The following LRRC4C variants were observed in gnomAD, a reference collection of about 807,000 sequenced individuals.
LRRC4C encodes leucine-rich repeat-containing protein 4C.
Under a neutral mutation model 33.6 loss-of-function variants are expected in LRRC4C, and 5 were observed. The ratio of observed to expected loss-of-function variants is 0.15; its 90% CI spans 0.08 to 0.31. LRRC4C has a LOEUF of 0.31. Ranked by LOEUF, LRRC4C falls within the 10% of genes least tolerant of loss-of-function variation. LRRC4C has a pLI of 1.00. For missense variants in LRRC4C, 560 were observed against 796.7 expected (o/e 0.70, Z 3.58); for synonymous variants, 329 against 302.0 (o/e 1.09, Z -0.93).
At chr11:40,464,733 CCAGTAAA>C (rs1165530953) in intron 3 of LRRC4C, among the ~76,000 whole-genome samples, 2 of 151,626 alleles carry the variant, frequency 1.3e-5, no homozygotes, top group Non-Finnish European at 2.9e-5. Context: ...ATAATAGCTA[CCAGTAAA>C]CAAATAAATA....
chr11:40,520,844 G>T (rs933150414), intron 3 of LRRC4C, among the ~76,000 whole-genome samples: 3 of 152,130 alleles, frequency 2.0e-5, no homozygotes, highest in Admixed American at 6.6e-5. Context: ...TATAGCAGAA[G>T]TAGATACTTT....
intron 5 of LRRC4C, among the ~76,000 whole-genome samples, chr11:40,149,179 G>A (rs1857984993): frequency 6.6e-6 from 1 of 152,050 alleles, no homozygotes; most frequent in Admixed American, 6.6e-5. Flanking sequence ...AGGGAACAGG[G>A]GTTCCATATG....
chr11:41,132,275 G>A (rs1424312287), intron 1 of LRRC4C, among the ~76,000 whole-genome samples: 1 of 152,014 alleles, frequency 6.6e-6, no homozygotes, highest in East Asian at 1.9e-4. Flanking sequence ...AGGAAAAAAT[G>A]GTAGAACTTA....
At chr11:41,134,051 C>T (rs1943143803) in intron 1 of LRRC4C, among the ~76,000 whole-genome samples, 1 of 152,072 alleles carries the variant, frequency 6.6e-6, no homozygotes, top group African/African-American at 2.4e-5. Flanking sequence ...TTCACTGGAC[C>T]AGAGTCAGCT....
intron 5 of LRRC4C, among the ~76,000 whole-genome samples, chr11:40,228,376 A>C (rs1160380759): frequency 1.3e-5 from 2 of 152,108 alleles, no homozygotes; most frequent in African/African-American, 2.4e-5. Context: ...TATAGTTTGG[A>C]CTTTATTCCA....
At chr11:40,742,483 A>G (rs867172235) in intron 2 of LRRC4C, among the ~76,000 whole-genome samples, 16 of 152,078 alleles carry the variant, frequency 1.1e-4, no homozygotes, top group African/African-American at 3.6e-4. Flanking sequence ...TGTCTGTTAA[A>G]TAATGATTAC....
At chr11:41,121,246 C>T (rs987163154) in intron 1 of LRRC4C, among the ~76,000 whole-genome samples, 8 of 151,960 alleles carry the variant, frequency 5.3e-5, no homozygotes, top group Admixed American at 2.6e-4. Context: ...TAGGATATAT[C>T]GGTCGGTCAA....
intron 1 of LRRC4C, among the ~76,000 whole-genome samples, chr11:40,999,934 T>C (rs746565393): frequency 4.6e-5 from 7 of 151,998 alleles, no homozygotes; most frequent in Non-Finnish European, 1.0e-4. Context: ...GGACGCTACA[T>C]GCAGACACAT....
chr11:41,226,741 T>C (rs1431825467), intron 1 of LRRC4C, among the ~76,000 whole-genome samples: 2 of 137,082 alleles, frequency 1.5e-5, no homozygotes, highest in Admixed American at 7.3e-5. Flanking sequence ...TCCTTACCAT[T>C]ACACACACAC....
At chr11:40,947,293 T>C (rs1410020773) in intron 1 of LRRC4C, among the ~76,000 whole-genome samples, 1 of 152,156 alleles carries the variant, frequency 6.6e-6, no homozygotes, top group African/African-American at 2.4e-5. Flanking sequence ...ACGATAAAAA[T>C]TGAGAAGTGG....
intron 5 of LRRC4C, among the ~76,000 whole-genome samples, chr11:40,212,470 T>TG (rs757893135): frequency 1.1e-5 from 1 of 91,328 alleles, no homozygotes; most frequent in Admixed American, 1.2e-4. Context: ...ACAAGCAAAA[T>TG]TAAAAAAAAA....
intron 1 of LRRC4C, among the ~76,000 whole-genome samples, chr11:41,079,562 A>G (rs1939410861): frequency 6.6e-6 from 1 of 152,248 alleles, no homozygotes; most frequent in South Asian, 2.1e-4. Flanking sequence ...TGGGTTCGTA[A>G]GTTCAGAGAA....
At chr11:40,615,089 C>T (rs1030907270) in intron 3 of LRRC4C, among the ~76,000 whole-genome samples, 7 of 151,142 alleles carry the variant, frequency 4.6e-5, no homozygotes, top group Admixed American at 4.0e-4. Flanking sequence ...GTAAAAATTG[C>T]AAAATATCCA....
chr11:40,899,425 A>G (rs1041853152), intron 2 of LRRC4C, among the ~76,000 whole-genome samples: 5 of 152,218 alleles, frequency 3.3e-5, no homozygotes. Context: ...TGGATTTCCC[A>G]GCATGAATAC....
intron 2 of LRRC4C, among the ~76,000 whole-genome samples, chr11:40,799,836 T>C (rs1171766991): frequency 6.6e-6 from 1 of 152,206 alleles, no homozygotes; most frequent in African/African-American, 2.4e-5. Context: ...AGATTTTCTC[T>C]TTGTAAAAAG....
intron 1 of LRRC4C, among the ~76,000 whole-genome samples, chr11:41,061,959 A>G (rs1009142597): frequency 2.0e-5 from 3 of 152,196 alleles, no homozygotes; most frequent in Admixed American, 6.5e-5. Context: ...CCACTGCTCA[A>G]TTGGCTGCTT....
At chr11:41,051,555 G>GAAAAAAAAAAAAAAAAAA (rs1565337349) in intron 1 of LRRC4C, among the ~76,000 whole-genome samples, 44 of 82,772 alleles carry the variant, frequency 5.3e-4, no homozygotes, top group African/African-American at 6.8e-4. Flanking sequence ...AAAAAAAAAG[G>GAAAAAAAAAAAAAAAAAA]AAAAATTAGT....
intron 1 of LRRC4C, among the ~76,000 whole-genome samples, chr11:41,239,215 G>A (rs1002241649): frequency 6.7e-6 from 1 of 149,520 alleles, no homozygotes; most frequent in Non-Finnish European, 1.5e-5. Context: ...CCAGCTACTC[G>A]GGAGGCTGAG....
At chr11:40,222,821 G>C (rs1283837052) in intron 5 of LRRC4C, among the ~76,000 whole-genome samples, 2 of 152,100 alleles carry the variant, frequency 1.3e-5, no homozygotes, top group East Asian at 3.9e-4. Context: ...CATTTAGTGG[G>C]GGAAGATCAA....
Sources: gnomAD v4.1 joint callset for allele counts (sites outside exome capture counted in the v4.1 genomes callset) on GRCh38, gnomAD v4.1.1 for gene constraint, MANE v1.5 for transcripts, NCBI Gene and HGNC (gene_info 2026-07-23, HGNC 2026-07-21) for gene names.